Variants in SLC4A4 observed in about 807,000 individuals in gnomAD.
The protein encoded by SLC4A4 is electrogenic sodium bicarbonate cotransporter 1.
A neutral mutation model predicts 111.5 loss-of-function variants in SLC4A4; 27 were observed. The ratio of observed to expected loss-of-function variants is 0.24; its 90% CI spans 0.18 to 0.33. SLC4A4 has a LOEUF of 0.33. Among genes scored for constraint, SLC4A4 ranks in the 10% least tolerant of loss-of-function variants. The pLI is 1.00. For synonymous variants in SLC4A4, 443 were observed against 463.4 expected (o/e 0.96, Z 0.57); for missense variants, 909 against 1,315.5 (o/e 0.69, Z 4.78).
At chr4:71,345,911 C>T (rs1474538105) in intron 4 of SLC4A4, among the ~76,000 whole-genome samples, 2 of 152,064 alleles carry the variant, frequency 1.3e-5, no homozygotes, top group Non-Finnish European at 2.9e-5. Context: ...TTAAAAACCT[C>T]ATTTTTCCCA....
At position 71,418,690 on chromosome 4, in the gene SLC4A4, C is replaced by T. The variant is rs531773651; in HGVS notation, c.807+21037C>T. On this transcript the variant is annotated intron_variant, in intron 7 of 25. Coordinates refer to ENST00000264485, the MANE Select transcript of SLC4A4 (RefSeq NM_001098484.3). ...ACAAAAATATGTTTCTAGTAATTAT[C>T]CCAGGGGTTTTCTTTTATGACACCA... Among the ~76,000 whole-genome samples the T allele has an allele frequency of 4.6e-5, 7 of 152,324 alleles. No individual in the cohort carries two copies. The South Asian group carries it at 1.5e-3, about 32-fold the overall frequency.
At chr4:71,542,470 A>T (rs1211616186) in intron 18 of SLC4A4, among the ~76,000 whole-genome samples, 1 of 152,064 alleles carries the variant, frequency 6.6e-6, no homozygotes, top group Non-Finnish European at 1.5e-5. Context: ...TTGTGATAAA[A>T]AATTCCAAAG....
chr4:71,353,965 A>C (rs918054408), intron 5 of SLC4A4, among the ~76,000 whole-genome samples: 16 of 152,190 alleles, frequency 1.1e-4, no homozygotes, highest in African/African-American at 3.9e-4. Flanking sequence ...AATTCAGCCT[A>C]TTTTTGATTC....
chr4:71,219,751 T>C (rs186521176), intron 1 of SLC4A4, among the ~76,000 whole-genome samples: 2 of 148,702 alleles, frequency 1.3e-5, no homozygotes, highest in East Asian at 4.0e-4. Flanking sequence ...AACAGAAGTT[T>C]AAGAGGAAGT....
intron 24 of SLC4A4, among the ~76,000 whole-genome samples, chr4:71,564,592 A>G (rs1252608486): frequency 6.6e-6 from 1 of 151,836 alleles, no homozygotes; most frequent in African/African-American, 2.4e-5. Flanking sequence ...GACTTTCCCA[A>G]TAGCAGGTAG....
At chr4:71,289,877 A>G (rs1188769423) in intron 3 of SLC4A4, among the ~76,000 whole-genome samples, 1 of 152,254 alleles carries the variant, frequency 6.6e-6, no homozygotes, top group Non-Finnish European at 1.5e-5. Flanking sequence ...ATTTGATTCA[A>G]GGGAACAGTA....
chr4:71,094,502 A>T (rs968546572), intron 2 of SLC4A4, among the ~76,000 whole-genome samples: 6 of 152,328 alleles, frequency 3.9e-5, no homozygotes, highest in Admixed American at 2.6e-4. Context: ...CCATGTTGTA[A>T]TATTTAAGGC....
chr4:71,293,222 T>TA (rs1724515117), intron 3 of SLC4A4, among the ~76,000 whole-genome samples: 2 of 149,918 alleles, frequency 1.3e-5, no homozygotes, highest in African/African-American at 4.9e-5. Context: ...GACCACAACT[T>TA]AAAAACAAAT....
chr4:71,301,239 T>C (rs1292932924), intron 3 of SLC4A4: 2 of 244,182 alleles, frequency 8.2e-6, no homozygotes, highest in Non-Finnish European at 1.6e-5. Context: ...GGGAGTGGGA[T>C]TGCAACATAT....
At chr4:71,482,068 A>G (rs1728933212) in intron 14 of SLC4A4, among the ~76,000 whole-genome samples, 1 of 151,660 alleles carries the variant, frequency 6.6e-6, no homozygotes, top group African/African-American at 2.4e-5. Context: ...TCATTCTGCA[A>G]TTGGTTGCCA....
chr4:71,328,369 A>C (rs891452628), intron 3 of SLC4A4, among the ~76,000 whole-genome samples: 2 of 152,040 alleles, frequency 1.3e-5, no homozygotes, highest in Non-Finnish European at 2.9e-5. Context: ...GCTGGATCTT[A>C]TGGTAGTTTT....
At chr4:71,258,200 T>C (rs1721596380) in intron 3 of SLC4A4, among the ~76,000 whole-genome samples, 1 of 152,148 alleles carries the variant, frequency 6.6e-6, no homozygotes. Flanking sequence ...GATATTGGAG[T>C]TCCTTGGTGC....
At chr4:71,525,993 A>G (rs540054066) in intron 16 of SLC4A4, among the ~76,000 whole-genome samples, 320 of 152,102 alleles carry the variant, frequency 2.1e-3, no homozygotes, top group African/African-American at 7.4e-3. Flanking sequence ...GAGAAGTCTT[A>G]TTTACAGACC....
intron 1 of SLC4A4, among the ~76,000 whole-genome samples, chr4:71,189,188 GTGTAC>G (rs1745622312): frequency 1.3e-5 from 2 of 152,154 alleles, no homozygotes; most frequent in Non-Finnish European, 1.5e-5. Flanking sequence ...TTGGATTTAA[GTGTAC>G]TTCAGAATGA....
intron 6 of SLC4A4, among the ~76,000 whole-genome samples, chr4:71,386,590 T>C (rs1245005462): frequency 3.4e-5 from 5 of 148,330 alleles, no homozygotes; most frequent in South Asian, 4.2e-4. Context: ...TTTTCTTTTC[T>C]TTTTTTTGGC....
intron 19 of SLC4A4, among the ~76,000 whole-genome samples, chr4:71,546,740 C>A (rs559942903): frequency 6.7e-4 from 102 of 151,934 alleles, no homozygotes; most frequent in Admixed American, 5.9e-4. Context: ...TCATGGATTT[C>A]CAAAAGGCTA....
chr4:71,253,340 A>G (rs543073940), intron 2 of SLC4A4, among the ~76,000 whole-genome samples: 2 of 152,300 alleles, frequency 1.3e-5, no homozygotes, highest in East Asian at 1.9e-4. Flanking sequence ...CAAATGTACT[A>G]TGCAGATTTG....
intron 6 of SLC4A4, among the ~76,000 whole-genome samples, chr4:71,359,830 T>C (rs1232320525): frequency 2.0e-5 from 3 of 152,200 alleles, no homozygotes; most frequent in Non-Finnish European, 4.4e-5. Context: ...GATAAATTTG[T>C]ATACCTTTGT....
intron 2 of SLC4A4, among the ~76,000 whole-genome samples, chr4:71,242,821 G>A (rs1231418236): frequency 6.6e-6 from 1 of 151,644 alleles, no homozygotes. Flanking sequence ...TGTAAATATT[G>A]TTTACTTGCT....
Sources: gnomAD v4.1 joint callset for allele counts (sites outside exome capture counted in the v4.1 genomes callset) on GRCh38, gnomAD v4.1.1 for gene constraint, MANE v1.5 for transcripts, NCBI Gene and HGNC (gene_info 2026-07-23, HGNC 2026-07-21) for gene names.